Variants in ADGRF5 observed in about 807,000 individuals in gnomAD.
ADGRF5 encodes the protein adhesion G protein-coupled receptor F5.
A neutral mutation model predicts 132.3 loss-of-function variants in ADGRF5; 75 were observed. That is an observed-to-expected ratio of 0.57 (90% CI 0.47 to 0.69). The LOEUF (loss-of-function observed/expected upper bound fraction) is 0.69, where lower values mean the gene tolerates loss of function less well. Among genes scored for constraint, ADGRF5 ranks in the 30% least tolerant of loss-of-function variants. The probability of loss-of-function intolerance (pLI) is 0.00; values close to 1 mark genes in which losing one functional copy is unlikely to be tolerated. For synonymous variants in ADGRF5, 629 were observed against 597.6 expected, an observed-to-expected ratio of 1.05 and a Z score of -0.77; for missense variants, 1,516 against 1,630.6, an observed-to-expected ratio of 0.93 and a Z score of 1.21.
At chr6:46,948,506 GTGTGTGTGTA>G (rs755405488) in intron 1 of ADGRF5, among the ~76,000 whole-genome samples, 2 of 139,566 alleles carry the variant, frequency 1.4e-5, no homozygotes, top group East Asian at 4.4e-4. Flanking sequence ...GTGTGTGTGT[GTGTGTGTGTA>G]TGTGTGTGTT....
Position 46,859,152 on chromosome 6 carries a change from G to C in ADGRF5, c.2751C>G (p.Asn917Lys), listed in dbSNP as rs374318499. 1 of 1,614,016 alleles carries C rather than the reference G, an allele frequency of 6.2e-7. No individual in the cohort carries two copies. Among genetic ancestry groups the C allele is most frequent in the African/African-American group, 1.3e-5 (1 of 75,046 alleles). The change falls in exon 17 of 21, where the codon AAC becomes AAG. Residue 917 changes from asparagine (N) to lysine (K), a missense_variant. Asn to Lys is a moderately conservative substitution (Grantham distance 94). Coordinates refer to ENST00000283296, the MANE Select transcript of ADGRF5 (RefSeq NM_001098518.2). ...TTGTCATCACTAAGCTCTCTGCAAAGTTATTTTCCTGGATATCCTGGGCAA... is the reference window on the plus strand; with the variant it reads ...TTGTCATCACTAAGCTCTCTGCAAACTTATTTTCCTGGATATCCTGGGCAA... The part of the protein sequence containing the change: ...AILAQDIQEN[N>K]FAESLVMTTT...
intron 12 of ADGRF5, 56 bp from the exon 13 acceptor site, chr6:46,867,193 A>G (rs1770553917): frequency 6.7e-6 from 7 of 1,037,130 alleles, no homozygotes; most frequent in Admixed American, 1.7e-5. Flanking sequence ...CTTCAAAAGC[A>G]TCTGCTGGGA....
chr6:46,928,395 T>G (rs1777362359), intron 1 of ADGRF5, among the ~76,000 whole-genome samples: 2 of 152,182 alleles, frequency 1.3e-5, no homozygotes, highest in South Asian at 2.1e-4. Context: ...GGTAAAGGAG[T>G]GACTAAAGTC....
intron 15 of ADGRF5, among the ~76,000 whole-genome samples, chr6:46,861,442 C>G (rs1381224897): frequency 6.6e-6 from 1 of 152,210 alleles, no homozygotes; most frequent in East Asian, 1.9e-4. Context: ...TTCTAACTCT[C>G]TCTTACTTAA....
At chr6:46,860,681 AC>A in intron 16 of ADGRF5, 33 bp downstream of exon 16, 1 of 1,542,914 alleles carries the variant, frequency 6.5e-7, no homozygotes, top group Non-Finnish European at 8.9e-7. Flanking sequence ...AAAAGGTAAG[AC>A]CCAAAACTCC....
At position 46,954,807 on chromosome 6, in the gene ADGRF5, G is replaced by T. The variant is rs1436475755; in HGVS notation, c.-98C>A. 2.0e-5 allele frequency: 3 copies of T among 152,360 alleles called. No homozygotes were observed. The East Asian group carries it at 5.8e-4, about 29-fold the overall frequency. 9.4% of individuals were successfully genotyped at this position (152,360 alleles called of 1,614,324 possible). ...TGATCTGCCCAAAACCCTCTCAGGT[G>T]AGGTGAACCTCGAGGGCATCCCATT... On this transcript the variant is annotated 5_prime_UTR_variant, in exon 1 of 21. Coordinates refer to the ADGRF5 transcript ENST00000265417.
intron 1 of ADGRF5, among the ~76,000 whole-genome samples, chr6:46,945,795 C>A (rs1178513611): frequency 6.6e-6 from 1 of 152,228 alleles, no homozygotes; most frequent in Non-Finnish European, 1.5e-5. Flanking sequence ...AATGGACTCA[C>A]ATTTCCACAT....
intron 2 of ADGRF5, among the ~76,000 whole-genome samples, chr6:46,900,571 A>G (rs1774653850): frequency 2.0e-5 from 3 of 151,858 alleles, no homozygotes; most frequent in African/African-American, 7.3e-5. Flanking sequence ...TCTACATCTG[A>G]TCCTTTTTCT....
intron 8 of ADGRF5, among the ~76,000 whole-genome samples, chr6:46,880,382 C>T (rs972134506): frequency 2.0e-5 from 3 of 151,786 alleles, no homozygotes; most frequent in Non-Finnish European, 4.4e-5. Flanking sequence ...ACTTAAATAC[C>T]AAGTTTCTGT....
upstream of ADGRF5, among the ~76,000 whole-genome samples, chr6:46,926,359 G>A (rs984128206): frequency 6.6e-6 from 1 of 152,136 alleles, no homozygotes; most frequent in African/African-American, 2.4e-5. Context: ...TATGACTCCA[G>A]TGATGCCCCA....
intron 1 of ADGRF5, among the ~76,000 whole-genome samples, chr6:46,945,174 A>C (rs76974288): frequency 0.01 from 1,528 of 152,336 alleles, 18 homozygotes; most frequent in African/African-American, 0.035. Flanking sequence ...GATGATTTAA[A>C]TAAAATGTGA....
chr6:46,951,744 A>G (rs1778508560), intron 1 of ADGRF5, among the ~76,000 whole-genome samples: 1 of 152,216 alleles, frequency 6.6e-6, no homozygotes, highest in African/African-American at 2.4e-5. Context: ...GCTTCAAAGC[A>G]GCTCTGCACC....
At chr6:46,904,731 G>C (rs527638257) in intron 2 of ADGRF5, among the ~76,000 whole-genome samples, 2 of 152,220 alleles carry the variant, frequency 1.3e-5, no homozygotes, top group South Asian at 4.2e-4. Flanking sequence ...CAAATACCAA[G>C]CCCATCACCA....
chr6:46,860,292 A>G (rs1769590133), intron 16 of ADGRF5, among the ~76,000 whole-genome samples: 2 of 151,884 alleles, frequency 1.3e-5, no homozygotes, highest in Admixed American at 1.3e-4. Flanking sequence ...TCCCTTCATT[A>G]AAGTCTCTTC....
In ADGRF5 at chr6:46,889,499, TAGAG is replaced by T. The variant is rs1421476760; in HGVS notation, c.158-998_158-995del. Among the ~76,000 whole-genome samples, 4 of 144,132 alleles carry T rather than the reference TAGAG, an allele frequency of 2.8e-5. No homozygotes were observed. The South Asian group carries it at 6.5e-4, about 23-fold the overall frequency. 94.6% of individuals were successfully genotyped at this position (144,132 alleles called of 152,430 possible). On this transcript the variant is annotated intron_variant, in intron 3 of 20. Coordinates refer to ENST00000283296, the MANE Select transcript of ADGRF5 (RefSeq NM_001098518.2). ...GCTATATATAGTCTAAGTTTATATA[TAGAG>T]AGAGACTATATATAGTCTACTCTAT... is the stretch of plus-strand genomic sequence containing the variant.
In ADGRF5 at chr6:46,906,678, A is replaced by G. The variant is rs1215829931; in HGVS notation, c.85T>C (p.Ser29Pro). ...TAACTCACCAAAGGATGAATAGTAG[A>G]CTCGTAATTCCAGTTCAGTGCAGCT... ...SKAALNWNYESTIHPLSLHEH... is the reference protein window; with the variant it reads ...SKAALNWNYEPTIHPLSLHEH... The change falls in exon 2 of 21, where the codon TCT becomes CCT. Residue 29 changes from serine to proline, a missense_variant. Around this residue, in one of 2 missense-constraint regions of ADGRF5, gnomAD observed 945 missense variants for 929.4 expected, o/e 1.02. Coordinates refer to ENST00000283296, the MANE Select transcript of ADGRF5 (RefSeq NM_001098518.2). 1 of 1,555,262 alleles carries G rather than the reference A, an allele frequency of 6.4e-7. No homozygotes were observed. The highest frequency in any genetic ancestry group is 1.1e-5 in the South Asian group (1 of 89,832).
chr6:46,860,862 C>T lies in ADGRF5; in HGVS notation c.2232G>A (p.Met744Ile). 1.2e-6 allele frequency: 2 copies of T among 1,612,058 alleles called. No individual in the cohort carries two copies. Among genetic ancestry groups the T allele is most frequent in the Non-Finnish European group, 1.7e-6 (2 of 1,178,642 alleles). Residue 744 changes from methionine (M) to isoleucine (I), a missense_variant, in exon 16 of 21, where the codon ATG becomes ATA. Around this residue, in one of 2 missense-constraint regions of ADGRF5, gnomAD observed 945 missense variants for 929.4 expected, o/e 1.02. Coordinates refer to ENST00000283296, the MANE Select transcript of ADGRF5 (RefSeq NM_001098518.2). Reference sequence around the variant, plus strand: ...AAAGATCCTTCAGGTATGTAGGGAGCATCTCATCCTGAGAGGGGCTCTTGA... The same window carrying T: ...AAAGATCCTTCAGGTATGTAGGGAGTATCTCATCCTGAGAGGGGCTCTTGA... ...ALIKSPSQDE[M>I]LPTYLKDLSI...
intron 1 of ADGRF5, among the ~76,000 whole-genome samples, chr6:46,927,539 A>T (rs987078564): frequency 2.6e-5 from 4 of 152,156 alleles, no homozygotes; most frequent in Non-Finnish European, 5.9e-5. Context: ...GGTTGTAAGT[A>T]GAATAAGGAC....
chr6:46,888,000 G>C (rs561442298), intron 4 of ADGRF5: 112 of 210,862 alleles, frequency 5.3e-4, no homozygotes, highest in South Asian at 2.4e-3. Flanking sequence ...GAGGACACAG[G>C]GAAGAGGACC....
Sources: gnomAD v4.1 joint callset for allele counts (sites outside exome capture counted in the v4.1 genomes callset) on GRCh38, gnomAD v4.1.1 for gene constraint, gnomAD v4.1.1 regional missense constraint, MANE v1.5 for transcripts, NCBI Gene and HGNC (gene_info 2026-07-23, HGNC 2026-07-21) for gene names.